METTL1: variants seen among roughly 807,000 people sequenced by gnomAD.
METTL1 encodes tRNA (guanine-N(7)-)-methyltransferase.
Under a neutral mutation model 27.7 loss-of-function variants are expected in METTL1, and 14 were observed. The ratio of observed to expected loss-of-function variants is 0.51; its 90% CI spans 0.33 to 0.79. The LOEUF (loss-of-function observed/expected upper bound fraction) is 0.79, where lower values mean the gene tolerates loss of function less well. Ranked by LOEUF, METTL1 falls within the 30% of genes least tolerant of loss-of-function variation. METTL1 has a pLI of 0.02. For missense variants in METTL1, 333 were observed against 359.6 expected (o/e 0.93, Z 0.60); for synonymous variants, 138 against 137.0 (o/e 1.01, Z -0.05).
At position 57,768,715 on chromosome 12, in the gene METTL1, A is replaced by G. The variant is rs1356696804; in HGVS notation, c.*281T>C. On this transcript the variant is annotated 3_prime_UTR_variant, in exon 6 of 6. Coordinates refer to ENST00000324871, the MANE Select transcript of METTL1 (RefSeq NM_005371.6). Reference sequence around the variant, plus strand: ...GATCTCACAAGGAGAAAGGAGTGCTAAGGAAGAGCAAGACCCCACAGCCTT... The same window carrying G: ...GATCTCACAAGGAGAAAGGAGTGCTGAGGAAGAGCAAGACCCCACAGCCTT... 7.7e-6 allele frequency: 3 copies of G among 387,742 alleles called. No individual in the cohort carries two copies. The highest frequency in any genetic ancestry group is 1.4e-5 in the Non-Finnish European group (3 of 214,050). The allele number at this position is 387,742 out of a possible 1,614,324, so 24.0% of individuals were successfully genotyped here. A position where few individuals can be genotyped will look rare whatever the true frequency, so the allele number is the denominator to read the frequency against.
chr12:57,769,441 T>C, intron 4 of METTL1, 37 bp from the exon 5 acceptor site: 4 of 1,605,444 alleles, frequency 2.5e-6, no homozygotes, highest in African/African-American at 1.3e-5. Flanking sequence ...GGAGGCTGCA[T>C]GCAACGTCAG....
intron 1 of METTL1, chr12:57,771,643 T>A (rs1451835916): frequency 6.5e-7 from 1 of 1,534,376 alleles, no homozygotes; most frequent in Non-Finnish European, 8.7e-7. Context: ...GCGGGCAGGA[T>A]TGTGTATATG....
Position 57,769,636 on chromosome 12 carries a change from G to A in METTL1, c.502C>T (p.Arg168Trp), listed in dbSNP as rs551450204. ...ATGATTCGCCACTTGTGCTTTGTCC[G>A]CTTGAAATGTGGGTCGGGGAAGAGG... ...FFLFPDPHFKRTKHKWRIISP... is the reference protein window; with the variant it reads ...FFLFPDPHFKWTKHKWRIISP... The change falls in exon 4 of 6, where the codon CGG (arginine) becomes TGG (tryptophan). Residue 168 changes from arginine to tryptophan, a missense_variant. By Grantham distance (101) the Arg-to-Trp change is moderately radical. Coordinates refer to ENST00000324871, the MANE Select transcript of METTL1 (RefSeq NM_005371.6). 14 of 1,557,706 alleles carry A rather than the reference G, an allele frequency of 9.0e-6. No homozygotes were observed. The highest frequency in any genetic ancestry group is 3.7e-5 in the South Asian group (3 of 81,530).
chr12:57,771,108 T>G lies in METTL1; in HGVS notation c.260A>C (p.Tyr87Ser). ...QVEFADIGCGYGGLLVELSPL... is the reference protein window; with the variant it reads ...QVEFADIGCGSGGLLVELSPL... ...CTGAGTGTTACCTAACAGGCCACCA[T>G]AGCCACAGCCTATGTCTGCAAACTC... The change falls in exon 2 of 6, where the codon TAT (tyrosine) becomes TCT (serine). Residue 87 changes from tyrosine (Y) to serine (S), a missense_variant. Physicochemically the swap from Tyr to Ser is moderately radical, Grantham distance 144. Transcript: ENST00000324871. The G allele has an allele frequency of 6.2e-7, 1 of 1,613,792 alleles. No homozygotes were observed.
Position 57,769,864 on chromosome 12 carries a change from G to A in METTL1, c.367C>T (p.Leu123=). 1 of 1,614,200 alleles carries A rather than the reference G, an allele frequency of 6.2e-7. No homozygotes were observed. Among genetic ancestry groups the A allele is most frequent in the Non-Finnish European group, 8.5e-7 (1 of 1,180,030 alleles). The change falls in exon 3 of 6, where the codon CTA becomes TTA. Residue 123 remains leucine, a synonymous_variant. Transcript: ENST00000324871. The stretch of plus-strand genomic sequence containing the variant: ...AAGCCACCTGCAGGAGCTGCGCGTA[G>A]GGCCCGAATCCGGTCTTGTACATAG... ...SDYVQDRIRA[L]RAAPAGGFQN...
In METTL1 at chr12:57,769,076, T is replaced by G; in HGVS notation, c.751A>C (p.Asn251His). 6.8e-6 allele frequency: 11 copies of G among 1,612,096 alleles called. No homozygotes were observed. The highest frequency in any genetic ancestry group is 9.3e-6 in the Non-Finnish European group (11 of 1,178,322). Reference sequence around the variant, plus strand: ...ATTCTTCGGAAGATGGCTGGGAAATTCTTCCCTCCATTACGTAGAACTTTC... The same window carrying G: ...ATTCTTCGGAAGATGGCTGGGAAATGCTTCCCTCCATTACGTAGAACTTTC... ...GKKVLRNGGK[N>H]FPAIFRRIQD... The change falls in exon 6 of 6, where the codon AAT becomes CAT. Residue 251 changes from asparagine (N) to histidine (H), a missense_variant. Coordinates refer to ENST00000324871, the MANE Select transcript of METTL1 (RefSeq NM_005371.6).
At chr12:57,771,876 G>A (rs1955437277) in intron 1 of METTL1, 98 bp downstream of exon 1, 1 of 1,369,850 alleles carries the variant, frequency 7.3e-7, no homozygotes, top group Admixed American at 2.6e-5. Context: ...TGATCCTCCC[G>A]GGTCTACCCC....
intron 2 of METTL1, chr12:57,770,892 A>C (rs984184233): frequency 1.9e-6 from 1 of 536,706 alleles, no homozygotes; most frequent in Non-Finnish European, 3.3e-6. Context: ...CCAGGTTTTA[A>C]GAAGCATTTG....
chr12:57,771,732 A>G, intron 1 of METTL1: 1 of 1,387,204 alleles, frequency 7.2e-7, no homozygotes. Context: ...AGTCTCAGTA[A>G]CAATTTATTT....
At position 57,769,071 on chromosome 12, in the gene METTL1, G is replaced by A. The variant is rs1955394694; in HGVS notation, c.756C>T (p.Phe252=). The change falls in exon 6 of 6, where the codon TTC becomes TTT. Residue 252 remains phenylalanine (F), a synonymous_variant. Transcript: ENST00000324871. ...CTTGTATTCTTCGGAAGATGGCTGG[G>A]AAATTCTTCCCTCCATTACGTAGAA... ...KKVLRNGGKN[F]PAIFRRIQDP... 1 of 1,612,114 alleles carries A rather than the reference G, an allele frequency of 6.2e-7. No homozygotes were observed. The highest frequency in any genetic ancestry group is 1.3e-5 in the African/African-American group (1 of 74,898).
intron 2 of METTL1, 66 bp downstream of exon 2, chr12:57,771,028 A>G: frequency 6.4e-7 from 1 of 1,557,260 alleles, no homozygotes. Context: ...ACCCCCCACA[A>G]AAGTTGCTGA....
chr12:57,771,566 G>T (rs1478938841), intron 1 of METTL1: 1 of 1,535,290 alleles, frequency 6.5e-7, no homozygotes, highest in Admixed American at 2.0e-5. Flanking sequence ...TCCCGAGACT[G>T]GCTGCCTAAT....
chr12:57,771,363 AG>A, intron 1 of METTL1, 106 bp from the exon 2 acceptor site: 1 of 1,486,922 alleles, frequency 6.7e-7, no homozygotes, highest in Non-Finnish European at 9.0e-7. Context: ...AAAAGGGAGG[AG>A]GGTTTCTCAA....
At position 57,770,737 on chromosome 12, in the gene METTL1, G is replaced by T. The variant is rs1239355699; in HGVS notation, c.274+357C>A. The T allele has an allele frequency of 1.5e-5, 3 of 202,024 alleles. No individual in the cohort carries two copies. The Admixed American group carries it at 1.6e-4, about 11-fold the overall frequency. The allele number at this position is 202,024 out of a possible 1,614,324, so 12.5% of individuals were successfully genotyped here. A position where few individuals can be genotyped will look rare whatever the true frequency, so the allele number is the denominator to read the frequency against. On this transcript the variant is annotated intron_variant, in intron 2 of 5. Coordinates refer to ENST00000324871, the MANE Select transcript of METTL1 (RefSeq NM_005371.6). ...CTGGCGAGGGAGGGGCAAAGGGGAG[G>T]GGAGATGGTAGAATCTCTGAGAAAA... is the stretch of plus-strand genomic sequence containing the variant.
At chr12:57,771,775 T>C (rs1442144047) in intron 1 of METTL1, 199 bp downstream of exon 1, 2 of 1,233,470 alleles carry the variant, frequency 1.6e-6, no homozygotes, top group African/African-American at 3.1e-5. Flanking sequence ...TACCCAGACT[T>C]AGGCCCGAAC....
intron 1 of METTL1, 192 bp from the exon 2 acceptor site, chr12:57,771,449 T>G (rs560454503): frequency 6.8e-7 from 1 of 1,476,412 alleles, no homozygotes; most frequent in African/African-American, 1.4e-5. Flanking sequence ...GTGTGAATCA[T>G]AGGACCATCA....
chr12:57,770,996 G>C, intron 2 of METTL1, 98 bp downstream of exon 2: 1 of 1,345,678 alleles, frequency 7.4e-7, no homozygotes, highest in South Asian at 1.4e-5. Context: ...GTGTCTGGAC[G>C]AAAGGGGAAA....
intron 1 of METTL1, 140 bp downstream of exon 1, chr12:57,771,834 G>T: frequency 8.6e-7 from 1 of 1,168,800 alleles, no homozygotes; most frequent in Non-Finnish European, 1.2e-6. Flanking sequence ...CGAATCTCCC[G>T]GTCCCACCCC....
rs1376923317 is a variant in METTL1, at chr12:57,772,058, G to C, written c.26C>G (p.Ala9Gly). 6.4e-7 allele frequency: 1 copy of C among 1,558,416 alleles called. No individual in the cohort carries two copies. The highest frequency in any genetic ancestry group is 2.5e-5 in the East Asian group (1 of 40,374). The change falls in exon 1 of 6, where the codon GCC becomes GGC. Residue 9 changes from alanine (A) to glycine (G), a missense_variant. Transcript: ENST00000324871. The surrounding 1 kb of genome is among the most constrained non-coding windows in gnomAD (Gnocchi z 4.1). The stretch of plus-strand genomic sequence containing the variant: ...CTGGGGCGGTGGGGCCTCTGCTCCG[G>C]CCACGTTCCGAGTCTCGGCTGCCAT... MAAETRNV[A>G]GAEAPPPQKR...
Sources: gnomAD v4.1 joint callset for allele counts on GRCh38, gnomAD v4.1.1 for gene constraint, Gnocchi (gnomAD v3.1) non-coding constraint, MANE v1.5 for transcripts, NCBI Gene and HGNC (gene_info 2026-07-23, HGNC 2026-07-21) for gene names.